CRIM1: variants seen among roughly 807,000 people sequenced by gnomAD.
CRIM1 encodes the protein cysteine-rich motor neuron 1 protein.
Under a neutral mutation model 116.4 loss-of-function variants are expected in CRIM1, and 32 were observed. That is an observed-to-expected ratio of 0.27 (90% CI 0.21 to 0.37). CRIM1 has a LOEUF of 0.37. CRIM1 is among the 10% of genes least tolerant of loss of function. The pLI is 1.00. For missense variants in CRIM1, 1,331 were observed against 1,354.8 expected (o/e 0.98, Z 0.28); for synonymous variants, 590 against 509.2 (o/e 1.16, Z -2.13).
At chr2:36,405,340 CT>C (rs1225552984) in intron 2 of CRIM1, among the ~76,000 whole-genome samples, 1 of 152,160 alleles carries the variant, frequency 6.6e-6, no homozygotes, top group Non-Finnish European at 1.5e-5. Flanking sequence ...CACTTTTCAG[CT>C]GTAGCAAGAA....
rs569896748 is a variant in CRIM1 at position 36,430,213 on chromosome 2, T to C, written c.506-11045T>C. ...AGGGAGTACTTTTTCCACCTACCTC[T>C]GCTTGGGAGGCTGAACCCCATCTTG... is the stretch of plus-strand genomic sequence containing the variant. On this transcript the variant is annotated intron_variant, in intron 2 of 16. Coordinates refer to ENST00000280527, the MANE Select transcript of CRIM1 (RefSeq NM_016441.3). 1.6e-4 allele frequency among the ~76,000 whole-genome samples: 25 copies of C among 152,322 alleles called. No individual in the cohort carries two copies. The South Asian group carries it at 5.2e-3, about 32-fold the overall frequency.
At chr2:36,444,501 A>T (rs916011051) in intron 4 of CRIM1, among the ~76,000 whole-genome samples, 4 of 152,244 alleles carry the variant, frequency 2.6e-5, no homozygotes, top group African/African-American at 7.2e-5. Flanking sequence ...AGCTTCTGTG[A>T]GTCTAGAAAA....
chr2:36,394,439 A>G (rs1162593422), intron 1 of CRIM1, among the ~76,000 whole-genome samples: 1 of 152,046 alleles, frequency 6.6e-6, no homozygotes, highest in Non-Finnish European at 1.5e-5. Context: ...ATAACTGAAG[A>G]CAAATATCAC....
intron 8 of CRIM1, among the ~76,000 whole-genome samples, chr2:36,508,641 T>G (rs1278930041): frequency 1.3e-5 from 2 of 152,234 alleles, no homozygotes; most frequent in African/African-American, 2.4e-5. Flanking sequence ...TTTGATTGTC[T>G]TTCAAATTCT....
intron 1 of CRIM1, among the ~76,000 whole-genome samples, chr2:36,371,656 G>A (rs1669955285): frequency 6.6e-6 from 1 of 152,156 alleles, no homozygotes; most frequent in Admixed American, 6.5e-5. Context: ...AGTTTCAGCT[G>A]TATTTTTTTG....
intron 2 of CRIM1, among the ~76,000 whole-genome samples, chr2:36,409,410 T>A (rs1673050048): frequency 6.6e-6 from 1 of 152,224 alleles, no homozygotes; most frequent in South Asian, 2.1e-4. Flanking sequence ...AAATTCATAT[T>A]GAATTCAATC....
At chr2:36,460,857 G>A (rs754927509) in intron 4 of CRIM1, among the ~76,000 whole-genome samples, 2 of 152,170 alleles carry the variant, frequency 1.3e-5, no homozygotes, top group African/African-American at 4.8e-5. Flanking sequence ...GTGTTTGGGG[G>A]TTCAGAGAAG....
At chr2:36,443,485 C>T (rs746657249) in intron 4 of CRIM1, among the ~76,000 whole-genome samples, 2 of 152,212 alleles carry the variant, frequency 1.3e-5, no homozygotes, top group East Asian at 1.9e-4. Flanking sequence ...CTGCCATGAC[C>T]TCCCTTCCAT....
At chr2:36,486,123 A>G (rs1679798624) in intron 7 of CRIM1, among the ~76,000 whole-genome samples, 1 of 152,236 alleles carries the variant, frequency 6.6e-6, no homozygotes, top group East Asian at 1.9e-4. Flanking sequence ...GAATATAGGT[A>G]AAGTAAATGC....
chr2:36,507,786 G>A (rs1681534652), intron 8 of CRIM1, among the ~76,000 whole-genome samples: 1 of 152,156 alleles, frequency 6.6e-6, no homozygotes, highest in African/African-American at 2.4e-5. Context: ...TTCTTTAAAG[G>A]TGAAGCACAT....
intron 8 of CRIM1, among the ~76,000 whole-genome samples, chr2:36,509,005 G>T (rs1013695270): frequency 2.6e-5 from 4 of 152,098 alleles, no homozygotes; most frequent in Non-Finnish European, 5.9e-5. Context: ...GAACTAAAAA[G>T]CCTATTATGT....
At chr2:36,367,319 G>A (rs1669666054) in intron 1 of CRIM1, among the ~76,000 whole-genome samples, 1 of 152,148 alleles carries the variant, frequency 6.6e-6, no homozygotes, top group South Asian at 2.1e-4. Context: ...GTATATCCTA[G>A]CTTGTTTCAG....
chr2:36,370,447 G>A (rs1037515483), intron 1 of CRIM1, among the ~76,000 whole-genome samples: 7 of 152,028 alleles, frequency 4.6e-5, no homozygotes, highest in Non-Finnish European at 8.8e-5. Flanking sequence ...TGTCTATTCA[G>A]GAAATTGTAT....
At chr2:36,511,876 C>A (rs1285866236) in intron 9 of CRIM1, among the ~76,000 whole-genome samples, 1 of 81,588 alleles carries the variant, frequency 1.2e-5, no homozygotes, top group Non-Finnish European at 2.3e-5. Flanking sequence ...ACGGATGGAT[C>A]GTAGGTGGGT....
At chr2:36,461,473 G>A (rs1300967563) in intron 4 of CRIM1, among the ~76,000 whole-genome samples, 2 of 152,170 alleles carry the variant, frequency 1.3e-5, no homozygotes, top group Non-Finnish European at 2.9e-5. Context: ...TCCTGTTCAT[G>A]ACTCAGTAGA....
intron 8 of CRIM1, among the ~76,000 whole-genome samples, chr2:36,507,678 C>T (rs1480227668): frequency 6.6e-6 from 1 of 152,170 alleles, no homozygotes; most frequent in Non-Finnish European, 1.5e-5. Flanking sequence ...TTTAAATGTA[C>T]CAGCCTTTGT....
intron 2 of CRIM1, among the ~76,000 whole-genome samples, chr2:36,420,917 C>T (rs1674007454): frequency 6.6e-6 from 1 of 152,170 alleles, no homozygotes; most frequent in Non-Finnish European, 1.5e-5. Flanking sequence ...CTAGTACAAC[C>T]TTCTTGAGTC....
intron 14 of CRIM1, 46 bp downstream of exon 14, chr2:36,537,592 T>C: frequency 6.5e-7 from 1 of 1,529,750 alleles, no homozygotes; most frequent in South Asian, 1.3e-5. Context: ...TAATGTTGAT[T>C]TAAGATGAAA....
At chr2:36,358,769 T>TA (rs3834157) in intron 1 of CRIM1, among the ~76,000 whole-genome samples, 20,067 of 148,276 alleles carry the variant, frequency 0.14, 2,528 homozygotes, top group East Asian at 0.44. Flanking sequence ...GCACTTCCTT[T>TA]AAAAAAAAAA....
Sources: allele counts gnomAD v4.1 joint callset (sites outside exome capture counted in the v4.1 genomes callset), GRCh38; gene constraint gnomAD v4.1.1; transcripts MANE v1.5; gene names NCBI Gene and HGNC (gene_info 2026-07-23, HGNC 2026-07-21).